KDM7A: variants seen among roughly 807,000 people sequenced by gnomAD.
The protein encoded by KDM7A is lysine-specific demethylase 7A.
A neutral mutation model predicts 114.8 loss-of-function variants in KDM7A; 28 were observed. The observed-to-expected ratio is 0.24, with a 90% confidence interval of 0.18 to 0.33. The LOEUF (loss-of-function observed/expected upper bound fraction) is 0.33, where lower values mean the gene tolerates loss of function less well. KDM7A is among the 10% of genes least tolerant of loss of function. The pLI, the probability that KDM7A is intolerant of heterozygous loss-of-function variation, is 1.00. For missense variants in KDM7A, 942 were observed against 1,142.5 expected, an observed-to-expected ratio of 0.82 and a Z score of 2.53; for synonymous variants, 423 against 397.8, an observed-to-expected ratio of 1.06 and a Z score of -0.75.
intron 15 of KDM7A, 97 bp from the exon 16 acceptor site, chr7:140,097,144 G>A (rs1818128892): frequency 2.4e-6 from 2 of 831,474 alleles, no homozygotes; most frequent in Admixed American, 2.9e-5. Flanking sequence ...GAGAAAGTCA[G>A]AATCTTAATT....
intron 11 of KDM7A, among the ~76,000 whole-genome samples, chr7:140,107,746 T>G (rs1210953798): frequency 6.6e-6 from 1 of 152,186 alleles, no homozygotes; most frequent in Non-Finnish European, 1.5e-5. Context: ...GACAATTACG[T>G]GTCTTGGAGT....
At chr7:140,099,799 C>T (rs573206631) in intron 13 of KDM7A, 100 bp downstream of exon 13, 173 of 1,090,642 alleles carry the variant, frequency 1.6e-4, no homozygotes, top group Admixed American at 3.4e-4. Context: ...TCCACAAAAC[C>T]GGTCCCTGGT....
rs187769218 is a variant in KDM7A, at chr7:140,085,972, T to G, written c.*5122A>C. On this transcript the variant is annotated 3_prime_UTR_variant, in exon 20 of 20. Coordinates refer to ENST00000397560, the MANE Select transcript of KDM7A (RefSeq NM_030647.2). ...TGGGTTATTTTATGCCTGCAAAGTA[T>G]TATATATTCCAGCACTTATGATCAT... is the stretch of plus-strand genomic sequence containing the variant. 5 of 152,334 alleles carry G rather than the reference T, an allele frequency of 3.3e-5. No homozygotes were observed. Among genetic ancestry groups the G allele is most frequent in the Non-Finnish European group, 4.4e-5 (3 of 68,034 alleles). 9.4% of individuals were successfully genotyped at this position (152,334 alleles called of 1,614,324 possible). A position where few individuals can be genotyped will look rare whatever the true frequency, so the allele number is the denominator to read the frequency against.
intron 11 of KDM7A, among the ~76,000 whole-genome samples, chr7:140,108,951 T>C (rs1818388999): frequency 6.6e-6 from 1 of 152,170 alleles, no homozygotes; most frequent in Non-Finnish European, 1.5e-5. Context: ...TTCATTTACC[T>C]ACTCAAGCCT....
chr7:140,115,956 A>C (rs1818523053), intron 9 of KDM7A, among the ~76,000 whole-genome samples: 1 of 152,020 alleles, frequency 6.6e-6, no homozygotes, highest in Admixed American at 6.5e-5. Flanking sequence ...AATCAGGGAA[A>C]TGCACATTAA....
rs1308839581 is a variant in KDM7A, at chr7:140,090,625, C to T, written c.*469G>A. ...GGCCCTTCCCCACATGTAACACACA[C>T]ACTATCAAAAATAATTTAAAAACCT... On this transcript the variant is annotated 3_prime_UTR_variant, in exon 20 of 20. Transcript: ENST00000397560. The T allele has an allele frequency of 6.5e-6, 1 of 154,238 alleles. No individual in the cohort carries two copies. The highest frequency in any genetic ancestry group is 1.4e-5 in the Non-Finnish European group (1 of 69,404). 9.6% of individuals were successfully genotyped at this position (154,238 alleles called of 1,614,324 possible).
intron 7 of KDM7A, among the ~76,000 whole-genome samples, 186 bp from the exon 8 acceptor site, chr7:140,120,715 C>T (rs1011645387): frequency 6.6e-6 from 1 of 152,102 alleles, no homozygotes; most frequent in African/African-American, 2.4e-5. Flanking sequence ...ATATGGTAGG[C>T]TCTATGCTGA....
Position 140,162,093 on chromosome 7 carries a change from T to G in KDM7A, c.194+14651A>C, listed in dbSNP as rs1794526267. ...GCTCACACCTGTAATCCCGGCACTT[T>G]GGGAGGCCGAGGCAGACGGATCACC... is the stretch of plus-strand genomic sequence containing the variant. On this transcript the variant is annotated intron_variant, in intron 1 of 19. Transcript: ENST00000397560. Among the ~76,000 whole-genome samples the G allele has an allele frequency of 2.0e-5, 3 of 152,134 alleles. No homozygotes were observed. In the South Asian group the frequency reaches 6.2e-4, roughly 32 times the overall value.
intron 9 of KDM7A, among the ~76,000 whole-genome samples, chr7:140,114,358 C>G (rs562580244): frequency 6.6e-6 from 1 of 152,092 alleles, no homozygotes; most frequent in Non-Finnish European, 1.5e-5. Flanking sequence ...TTGGTGGAGA[C>G]GGGGTTTCGC....
intron 3 of KDM7A, among the ~76,000 whole-genome samples, chr7:140,130,316 G>A (rs1447021080): frequency 6.6e-6 from 1 of 152,066 alleles, no homozygotes; most frequent in African/African-American, 2.4e-5. Context: ...GGTAGAGTGT[G>A]CATTAGAATA....
intron 7 of KDM7A, among the ~76,000 whole-genome samples, chr7:140,120,752 G>A (rs1818607110): frequency 6.6e-6 from 1 of 152,134 alleles, no homozygotes; most frequent in Non-Finnish European, 1.5e-5. Flanking sequence ...GACGGTTTTT[G>A]TAGTTGTTAC....
chr7:140,095,009 G>A (rs533668824), intron 17 of KDM7A, among the ~76,000 whole-genome samples: 5 of 152,186 alleles, frequency 3.3e-5, no homozygotes, highest in South Asian at 2.1e-4. Context: ...CACCACGCCC[G>A]GCTAATTTTT....
chr7:140,129,189 C>T (rs549720486), intron 4 of KDM7A, among the ~76,000 whole-genome samples: 1 of 152,272 alleles, frequency 6.6e-6, no homozygotes, highest in African/African-American at 2.4e-5. Flanking sequence ...ATATCTTCTT[C>T]CTGGTATCTA....
chr7:140,124,069 C>CAAA (rs71170945), intron 7 of KDM7A, among the ~76,000 whole-genome samples: 8 of 112,688 alleles, frequency 7.1e-5, no homozygotes, highest in African/African-American at 2.6e-4. Flanking sequence ...GACTCTGTCT[C>CAAA]AAAAAAAAAA....
rs571653370 is a variant in KDM7A, at chr7:140,137,859, T to C, written c.280+1246A>G. Among the ~76,000 whole-genome samples the C allele has an allele frequency of 3.3e-5, 5 of 152,226 alleles. No individual in the cohort carries two copies. In the South Asian group the frequency reaches 1.0e-3, roughly 32 times the overall value. The stretch of plus-strand genomic sequence containing the variant: ...AAATGTCTACTCTATTGGAAAAAAG[T>C]ACTAGGAAAAAAGCTGCATGTAAAA... On this transcript the variant is annotated intron_variant, in intron 2 of 19. Coordinates refer to ENST00000397560, the MANE Select transcript of KDM7A (RefSeq NM_030647.2).
At chr7:140,167,641 G>C (rs562907208) in intron 1 of KDM7A, among the ~76,000 whole-genome samples, 26 of 151,950 alleles carry the variant, frequency 1.7e-4, no homozygotes, top group African/African-American at 6.0e-4. Context: ...GATCCATTTA[G>C]AAGCTTAAAA....
At position 140,111,169 on chromosome 7, in the gene KDM7A, C is replaced by T. The variant is rs1409680175; in HGVS notation, c.1354G>A (p.Ala452Thr). 1 of 1,601,240 alleles carries T rather than the reference C, an allele frequency of 6.2e-7. No homozygotes were observed. Among genetic ancestry groups the T allele is most frequent in the African/African-American group, 1.3e-5 (1 of 74,670 alleles). The change falls in exon 11 of 20, where the codon GCC (alanine) becomes ACC (threonine). Residue 452 changes from alanine (A) to threonine (T), a missense_variant. Ala to Thr is a moderately conservative substitution (Grantham distance 58). Coordinates refer to ENST00000397560, the MANE Select transcript of KDM7A (RefSeq NM_030647.2). ...WMKKELVSEH[A>T]FEIPDNVRPG... is the part of the protein sequence containing the mutation. ...CTAACATTGTCTGGAATTTCAAAGG[C>T]ATGTTCAGATACAAGCTGTATTTGG... is the stretch of plus-strand genomic sequence containing the variant.
At chr7:140,114,819 G>A (rs1237042915) in intron 9 of KDM7A, among the ~76,000 whole-genome samples, 1 of 118,160 alleles carries the variant, frequency 8.5e-6, no homozygotes, top group East Asian at 2.8e-4. Context: ...GCCCGGCCGC[G>A]ACCCCGTCTG....
At position 140,127,589 on chromosome 7, in the gene KDM7A, G is replaced by A; in HGVS notation, c.560-6C>T. On this transcript the variant is annotated splice_polypyrimidine_tract_variant and splice_region_variant and intron_variant, in intron 4 of 19. Transcript: ENST00000397560. ...ATCTATCACTTTGTCACCACCTGCA[G>A]AGAAAAATTACAGTCTTATTATTGG... is the stretch of plus-strand genomic sequence containing the variant. 6.2e-7 allele frequency: 1 copy of A among 1,612,436 alleles called. No homozygotes were observed. Among genetic ancestry groups the A allele is most frequent in the African/African-American group, 1.3e-5 (1 of 74,948 alleles).
Sources: allele counts gnomAD v4.1 joint callset (sites outside exome capture counted in the v4.1 genomes callset), GRCh38; gene constraint gnomAD v4.1.1; transcripts MANE v1.5; gene names NCBI Gene and HGNC (gene_info 2026-07-23, HGNC 2026-07-21).